The following ANKRD55 variants were observed in gnomAD, a reference collection of about 807,000 sequenced individuals.
ANKRD55 encodes ankyrin repeat domain-containing protein 55.
ANKRD55 carries 41 observed loss-of-function variants against 60.6 expected under a neutral mutation model. The ratio of observed to expected loss-of-function variants is 0.68; its 90% CI spans 0.53 to 0.88. ANKRD55 has a LOEUF of 0.88. ANKRD55 is among the 40% of genes least tolerant of loss of function. ANKRD55 has a pLI of 0.00. For synonymous variants in ANKRD55, 264 were observed against 290.3 expected, an observed-to-expected ratio of 0.91 and a Z score of 0.92; for missense variants, 732 against 767.6, an observed-to-expected ratio of 0.95 and a Z score of 0.55.
intron 2 of ANKRD55, chr5:56,192,513 G>A: frequency 3.5e-6 from 1 of 287,776 alleles, no homozygotes; most frequent in Non-Finnish European, 6.9e-6. Flanking sequence ...GGGCAAGAGG[G>A]AGCCACGGCC....
intron 3 of ANKRD55, among the ~76,000 whole-genome samples, chr5:56,181,665 A>G (rs1188130528): frequency 6.6e-6 from 1 of 152,128 alleles, no homozygotes; most frequent in African/African-American, 2.4e-5. Context: ...ATCTCGGCTC[A>G]CTGCAACCTC....
intron 2 of ANKRD55, among the ~76,000 whole-genome samples, chr5:56,186,383 G>T (rs1457262671): frequency 1.3e-5 from 2 of 152,142 alleles, no homozygotes; most frequent in Non-Finnish European, 2.9e-5. Flanking sequence ...GCCCAGGCTG[G>T]TCTCTAATGA....
intron 5 of ANKRD55, among the ~76,000 whole-genome samples, chr5:56,162,855 T>C (rs1043413268): frequency 2.0e-5 from 3 of 152,062 alleles, no homozygotes; most frequent in Admixed American, 6.6e-5. Flanking sequence ...TTAGTGTTTT[T>C]AGTAGAGATG....
At chr5:56,194,628 T>G (rs576012863) in intron 2 of ANKRD55, among the ~76,000 whole-genome samples, 125 of 152,318 alleles carry the variant, frequency 8.2e-4, no homozygotes, top group African/African-American at 2.6e-3. Flanking sequence ...CTCTGTTGTC[T>G]CTTTTCTAAA....
chr5:56,137,727 A>C (rs1030877631), intron 7 of ANKRD55, among the ~76,000 whole-genome samples: 2 of 152,218 alleles, frequency 1.3e-5, no homozygotes, highest in African/African-American at 4.8e-5. Flanking sequence ...CACTGCCAAA[A>C]GAATAACAAG....
chr5:56,207,095 A>T (rs1217829197), intron 2 of ANKRD55, among the ~76,000 whole-genome samples: 1 of 152,184 alleles, frequency 6.6e-6, no homozygotes, highest in African/African-American at 2.4e-5. Context: ...TCGCCCTTCT[A>T]TCCTCTCCTC....
intron 2 of ANKRD55, among the ~76,000 whole-genome samples, chr5:56,208,542 A>C (rs1759575009): frequency 6.6e-6 from 1 of 152,122 alleles, no homozygotes; most frequent in East Asian, 1.9e-4. Flanking sequence ...CTCCTGGCTT[A>C]GCCTCCCGAG....
chr5:56,146,408 C>T (rs1757897159), intron 6 of ANKRD55, among the ~76,000 whole-genome samples: 1 of 152,002 alleles, frequency 6.6e-6, no homozygotes, highest in African/African-American at 2.4e-5. Flanking sequence ...CCTCAGCCTC[C>T]CAAGTAGCTG....
intron 8 of ANKRD55, among the ~76,000 whole-genome samples, chr5:56,117,859 A>C (rs941606865): frequency 6.6e-6 from 1 of 152,090 alleles, no homozygotes; most frequent in Non-Finnish European, 1.5e-5. Flanking sequence ...AAAGTCCTTC[A>C]TGGCTAGGCA....
intron 2 of ANKRD55, among the ~76,000 whole-genome samples, chr5:56,202,198 G>A (rs543501411): frequency 5.3e-5 from 8 of 152,162 alleles, no homozygotes; most frequent in South Asian, 2.1e-4. Flanking sequence ...AATAGATGCC[G>A]AGCTTAATAT....
At chr5:56,220,137 C>T (rs73118067) in intron 2 of ANKRD55, among the ~76,000 whole-genome samples, 5,115 of 152,286 alleles carry the variant, frequency 0.034, 285 homozygotes, top group African/African-American at 0.12. Context: ...CTATTCTCTC[C>T]GGATACCACT....
chr5:56,143,938 C>T lies in ANKRD55; in HGVS notation c.484-9G>A. On this transcript the variant is annotated splice_polypyrimidine_tract_variant and intron_variant, in intron 6 of 11. Coordinates refer to ENST00000341048, the MANE Select transcript of ANKRD55 (RefSeq NM_024669.3). The stretch of plus-strand genomic sequence containing the variant: ...TGGAGTGGTGTCATTCCCTGCAAAA[C>T]AACAGTCAGAGAGGACAGAGATGAG... 1 of 1,613,710 alleles carries T rather than the reference C, an allele frequency of 6.2e-7. No homozygotes were observed. The highest frequency in any genetic ancestry group is 8.5e-7 in the Non-Finnish European group (1 of 1,180,036).
At chr5:56,132,589 TAA>T (rs1183428923) in intron 7 of ANKRD55, among the ~76,000 whole-genome samples, 2,132 of 84,672 alleles carry the variant, frequency 0.025, 35 homozygotes, top group Admixed American at 0.069. Context: ...AGACTCTATC[TAA>T]AAAAAAAAAA....
chr5:56,123,785 A>G (rs561305877), intron 8 of ANKRD55, among the ~76,000 whole-genome samples: 1 of 152,284 alleles, frequency 6.6e-6, no homozygotes, highest in South Asian at 2.1e-4. Flanking sequence ...AGGGGAGCAT[A>G]TAGATAATCT....
At chr5:56,215,594 T>C (rs12654690) in intron 2 of ANKRD55, among the ~76,000 whole-genome samples, 20,241 of 152,182 alleles carry the variant, frequency 0.13, 2,086 homozygotes, top group African/African-American at 0.3. Flanking sequence ...AGGGGTTGAT[T>C]GGGTGGACTG....
chr5:56,176,315 T>C (rs1758739096), intron 3 of ANKRD55, 33 bp from the exon 4 acceptor site: 1 of 1,613,848 alleles, frequency 6.2e-7, no homozygotes, highest in Non-Finnish European at 8.5e-7. Context: ...CCTTTAAACA[T>C]GTGTGACCCA....
At chr5:56,205,501 T>C (rs1030515869) in intron 2 of ANKRD55, among the ~76,000 whole-genome samples, 2 of 152,362 alleles carry the variant, frequency 1.3e-5, no homozygotes, top group African/African-American at 2.4e-5. Context: ...TATCACTATC[T>C]GTGTTTAAGC....
intron 2 of ANKRD55, among the ~76,000 whole-genome samples, chr5:56,199,208 T>G (rs976178537): frequency 5.9e-5 from 9 of 152,196 alleles, no homozygotes; most frequent in African/African-American, 2.2e-4. Flanking sequence ...AAACCAGCTC[T>G]AAAGTTTTAG....
intron 7 of ANKRD55, among the ~76,000 whole-genome samples, chr5:56,135,367 C>T (rs993814065): frequency 2.3e-5 from 2 of 88,160 alleles, no homozygotes; most frequent in East Asian, 2.8e-4. Context: ...TTCTTTCTTT[C>T]CTTCTTTCTT....
Sources: gnomAD v4.1 joint callset for allele counts (sites outside exome capture counted in the v4.1 genomes callset) on GRCh38, gnomAD v4.1.1 for gene constraint, MANE v1.5 for transcripts, NCBI Gene and HGNC (gene_info 2026-07-23, HGNC 2026-07-21) for gene names.